LAMP1: variants seen among roughly 807,000 people sequenced by gnomAD.
LAMP1 encodes lysosome associated membrane protein 1.
Under a neutral mutation model 37.5 loss-of-function variants are expected in LAMP1, and 7 were observed. That is an observed-to-expected ratio of 0.19 (90% CI 0.11 to 0.35). The LOEUF is 0.35. Among genes scored for constraint, LAMP1 ranks in the 10% least tolerant of loss-of-function variants. The probability of loss-of-function intolerance (pLI) is 1.00; values close to 1 mark genes in which losing one functional copy is unlikely to be tolerated. For missense variants in LAMP1, 537 were observed against 552.8 expected, an observed-to-expected ratio of 0.97 and a Z score of 0.29; for synonymous variants, 236 against 229.1, an observed-to-expected ratio of 1.03 and a Z score of -0.27.
chr13:113,316,453 GCT>G (rs2042664964), intron 4 of LAMP1, among the ~76,000 whole-genome samples: 2 of 141,034 alleles, frequency 1.4e-5, no homozygotes, highest in Non-Finnish European at 3.0e-5. Context: ...GCAGAGTCCC[GCT>G]CTGTCACCCC....
At chr13:113,315,075 T>C (rs7326696) in intron 4 of LAMP1, among the ~76,000 whole-genome samples, 14,966 of 93,282 alleles carry the variant, frequency 0.16, 3,090 homozygotes, top group African/African-American at 0.49. Context: ...GTGTCTGGGG[T>C]GTGGCCTCCT....
chr13:113,302,360 T>C (rs925262179), intron 1 of LAMP1, among the ~76,000 whole-genome samples: 4 of 151,934 alleles, frequency 2.6e-5, no homozygotes, highest in African/African-American at 9.7e-5. Flanking sequence ...AATTTTTGTA[T>C]ATATTTTTTA....
intron 4 of LAMP1, among the ~76,000 whole-genome samples, chr13:113,317,891 T>C (rs192834308): frequency 7.2e-5 from 11 of 152,324 alleles, no homozygotes; most frequent in Admixed American, 1.3e-4. Context: ...GGTCTCCCTA[T>C]GTTGCCCAGG....
At chr13:113,317,976 C>A (rs1482439062) in intron 4 of LAMP1, among the ~76,000 whole-genome samples, 2 of 152,238 alleles carry the variant, frequency 1.3e-5, no homozygotes, top group African/African-American at 4.8e-5. Context: ...AGGCATGAGC[C>A]ACTGCGCCCA....
Position 113,297,961 on chromosome 13 carries a change from G to C in LAMP1, c.61+466G>C, listed in dbSNP as rs924552583. Among the ~76,000 whole-genome samples, 3 of 152,218 alleles carry C rather than the reference G, an allele frequency of 2.0e-5. No homozygotes were observed. Among genetic ancestry groups the C allele is most frequent in the African/African-American group, 7.2e-5 (3 of 41,458 alleles). ...TCTTCCCAACATGGATTTCACCCAG[G>C]ACAGGGAGAAGCCGGTGCGAGCATT... On this transcript the variant is annotated intron_variant, in intron 1 of 8. Coordinates refer to ENST00000332556, the MANE Select transcript of LAMP1 (RefSeq NM_005561.4). The surrounding 1 kb of genome is among the most constrained non-coding windows in gnomAD (Gnocchi z 4.4).
intron 3 of LAMP1, among the ~76,000 whole-genome samples, chr13:113,310,400 C>T (rs774640556): frequency 6.6e-6 from 1 of 152,018 alleles, no homozygotes; most frequent in African/African-American, 2.4e-5. Context: ...GTGGCGCGCG[C>T]CTGTAGTCCC....
At chr13:113,316,681 A>G (rs576620355) in intron 4 of LAMP1, among the ~76,000 whole-genome samples, 138 of 152,132 alleles carry the variant, frequency 9.1e-4, no homozygotes, top group African/African-American at 3.3e-3. Flanking sequence ...TCGGCCTCCC[A>G]AAGTGCTGGG....
rs374269432 is a variant in LAMP1, at chr13:113,320,484, G to A, written c.876+14G>A. 240 of 1,603,348 alleles carry A rather than the reference G, an allele frequency of 1.5e-4. No homozygotes were observed. Among genetic ancestry groups the A allele is most frequent in the African/African-American group, 1.5e-3 (109 of 74,988 alleles). On this transcript the variant is annotated intron_variant, in intron 6 of 8. Coordinates refer to ENST00000332556, the MANE Select transcript of LAMP1 (RefSeq NM_005561.4). The surrounding 1 kb of genome is among the most constrained non-coding windows in gnomAD (Gnocchi z 4.4). ...CAGTTCGGGATGGTGAGGCTGGGGC[G>A]GCACCTCTCTGGGGGCGCCCACTGT...
Position 113,320,484 on chromosome 13 carries a change from G to T in LAMP1, c.876+14G>T. The T allele has an allele frequency of 6.2e-7, 1 of 1,603,348 alleles. No individual in the cohort carries two copies. Among genetic ancestry groups the T allele is most frequent in the Non-Finnish European group, 8.5e-7 (1 of 1,178,772 alleles). ...CAGTTCGGGATGGTGAGGCTGGGGCGGCACCTCTCTGGGGGCGCCCACTGT... is the reference window on the plus strand; with the variant it reads ...CAGTTCGGGATGGTGAGGCTGGGGCTGCACCTCTCTGGGGGCGCCCACTGT... On this transcript the variant is annotated intron_variant, in intron 6 of 8. Transcript: ENST00000332556. This position sits in a 1 kb window ranked among gnomAD's most constrained non-coding sequence, Gnocchi z 4.4.
chr13:113,312,372 A>G (rs1265970499), intron 4 of LAMP1, among the ~76,000 whole-genome samples: 2 of 152,242 alleles, frequency 1.3e-5, no homozygotes, highest in Non-Finnish European at 2.9e-5. Context: ...TCATTTATTT[A>G]CACATTATCT....
intron 4 of LAMP1, among the ~76,000 whole-genome samples, chr13:113,316,580 G>A (rs935122207): frequency 4.6e-5 from 7 of 152,066 alleles, no homozygotes; most frequent in Non-Finnish European, 1.0e-4. Flanking sequence ...CCGCCACCAC[G>A]CCTGGCTAAT....
chr13:113,297,338 T>A lies in LAMP1; in HGVS notation c.-97T>A. ...ACGCCGCTGTCTCTAACGCCAGCCC[T>A]TGGCGCCCGCGCCCCGCCACCGCAG... On this transcript the variant is annotated 5_prime_UTR_variant, in exon 1 of 9. In the 5' UTR this introduces an upstream ATG that the reference lacks. Transcript: ENST00000332556. The surrounding 1 kb of genome is among the most constrained non-coding windows in gnomAD (Gnocchi z 4.4). 1 of 219,816 alleles carries A rather than the reference T, an allele frequency of 4.5e-6. No homozygotes were observed. Among genetic ancestry groups the A allele is most frequent in the Non-Finnish European group, 8.3e-6 (1 of 119,766 alleles). The allele number at this position is 219,816 out of a possible 1,614,324, so 13.6% of individuals were successfully genotyped here. A position where few individuals can be genotyped will look rare whatever the true frequency, so the allele number is the denominator to read the frequency against.
At position 113,298,427 on chromosome 13, in the gene LAMP1, G is replaced by A. The variant is rs369957791; in HGVS notation, c.61+932G>A. Reference sequence around the variant, plus strand: ...CCTCCTCCCCCCGCCGCCCTCCCCCGTAATATGAGAAGATTATCTTAAATG... The same window carrying A: ...CCTCCTCCCCCCGCCGCCCTCCCCCATAATATGAGAAGATTATCTTAAATG... On this transcript the variant is annotated intron_variant, in intron 1 of 8. Transcript: ENST00000332556. 1.6e-4 allele frequency among the ~76,000 whole-genome samples: 17 copies of A among 104,642 alleles called. No individual in the cohort carries two copies. In the South Asian group the frequency reaches 1.7e-3, roughly 10 times the overall value. The allele number at this position is 104,642 out of a possible 152,430, so 68.6% of individuals were successfully genotyped here.
At position 113,297,464 on chromosome 13, in the gene LAMP1, C is replaced by T. The variant is rs1310137533; in HGVS notation, c.30C>T (p.Pro10=). Residue 10 remains proline (P), a synonymous_variant, in exon 1 of 9, where the codon CCC becomes CCT. Transcript: ENST00000332556. The surrounding 1 kb of genome is among the most constrained non-coding windows in gnomAD (Gnocchi z 4.4). The stretch of plus-strand genomic sequence containing the variant: ...CGGCCCCCGGCAGCGCCCGGCGACC[C>T]CTGCTGCTGCTACTGCTGTTGCTGC... The part of the protein sequence containing the change: MAAPGSARR[P]LLLLLLLLLL... 2 of 1,220,104 alleles carry T rather than the reference C, an allele frequency of 1.6e-6. No homozygotes were observed. The highest frequency in any genetic ancestry group is 1.0e-6 in the Non-Finnish European group (1 of 969,520). 75.6% of individuals were successfully genotyped at this position (1,220,104 alleles called of 1,614,324 possible). A position where few individuals can be genotyped will look rare whatever the true frequency, so the allele number is the denominator to read the frequency against.
Position 113,320,063 on chromosome 13 carries a change from C to G in LAMP1, c.751-282C>G, listed in dbSNP as rs1470754984. Among the ~76,000 whole-genome samples, 5 of 152,114 alleles carry G rather than the reference C, an allele frequency of 3.3e-5. No individual in the cohort carries two copies. Among genetic ancestry groups the G allele is most frequent in the Non-Finnish European group, 7.4e-5 (5 of 68,004 alleles). On this transcript the variant is annotated intron_variant, in intron 5 of 8. Coordinates refer to ENST00000332556, the MANE Select transcript of LAMP1 (RefSeq NM_005561.4). This position sits in a 1 kb window ranked among gnomAD's most constrained non-coding sequence, Gnocchi z 4.4. ...CTGTGGGGTTGTGGGGGTCGACTTG[C>G]GTGCCGTGGGGTGAGTTTGCAGGGC...
Sources: allele counts gnomAD v4.1 joint callset (sites outside exome capture counted in the v4.1 genomes callset), GRCh38; gene constraint gnomAD v4.1.1; non-coding constraint Gnocchi (gnomAD v3.1); transcripts MANE v1.5; gene names NCBI Gene and HGNC (gene_info 2026-07-23, HGNC 2026-07-21).